Variants in PAPPA2 observed in about 807,000 individuals in gnomAD.
The protein encoded by PAPPA2 is pappalysin-2.
In PAPPA2, 86 loss-of-function variants were observed where a neutral mutation model predicts 176.4. The observed-to-expected ratio is 0.49, with a 90% CI of 0.41 to 0.58. The LOEUF (loss-of-function observed/expected upper bound fraction) is 0.58, where lower values mean the gene tolerates loss of function less well. Ranked by LOEUF, PAPPA2 falls within the 20% of genes least tolerant of loss-of-function variation. The pLI, the probability that PAPPA2 is intolerant of heterozygous loss-of-function variation, is 0.00. For synonymous variants in PAPPA2, 809 were observed against 852.2 expected (o/e 0.95, Z 0.88); for missense variants, 2,073 against 2,256.9 (o/e 0.92, Z 1.65).
chr1:176,674,864 T>G (rs1382113789), intron 4 of PAPPA2, among the ~76,000 whole-genome samples: 1 of 151,992 alleles, frequency 6.6e-6, no homozygotes, highest in Non-Finnish European at 1.5e-5. Context: ...TGTTTTTTCA[T>G]AGTAGTTGTG....
chr1:176,669,657 T>TC (rs772430110), intron 3 of PAPPA2, among the ~76,000 whole-genome samples: 20 of 152,314 alleles, frequency 1.3e-4, no homozygotes, highest in Admixed American at 2.6e-4. Flanking sequence ...AGCCCTTTTC[T>TC]CCTAAACATC....
intron 2 of PAPPA2, among the ~76,000 whole-genome samples, chr1:176,592,343 C>T (rs1379135931): frequency 6.6e-6 from 1 of 152,144 alleles, no homozygotes; most frequent in African/African-American, 2.4e-5. Context: ...ATACTGGCTA[C>T]ATCTCACAAG....
intron 2 of PAPPA2, among the ~76,000 whole-genome samples, chr1:176,574,697 C>G (rs1364066707): frequency 6.6e-6 from 1 of 152,180 alleles, no homozygotes; most frequent in African/African-American, 2.4e-5. Context: ...TTTTACTGAT[C>G]CCTGTGGGTT....
chr1:176,701,273 G>A (rs1019139738), intron 8 of PAPPA2, among the ~76,000 whole-genome samples: 3 of 152,142 alleles, frequency 2.0e-5, no homozygotes, highest in East Asian at 1.9e-4. Flanking sequence ...GCTACCTGCC[G>A]CTGAGTTTTT....
chr1:176,605,860 A>G (rs894357366), intron 3 of PAPPA2, among the ~76,000 whole-genome samples: 2 of 152,128 alleles, frequency 1.3e-5, no homozygotes, highest in African/African-American at 4.8e-5. Context: ...CATCTTTACT[A>G]CTTGAGGATG....
intron 1 of PAPPA2, among the ~76,000 whole-genome samples, chr1:176,523,546 A>G (rs1404950650): frequency 6.6e-6 from 1 of 152,214 alleles, no homozygotes; most frequent in African/African-American, 2.4e-5. Flanking sequence ...TGTGCTCACA[A>G]CTTTTGAGTT....
chr1:176,475,797 G>C (rs1314700719), intron 1 of PAPPA2, among the ~76,000 whole-genome samples: 1 of 152,176 alleles, frequency 6.6e-6, no homozygotes, highest in East Asian at 1.9e-4. Flanking sequence ...AGGGAGGAGG[G>C]AAAGAGCCAT....
intron 3 of PAPPA2, among the ~76,000 whole-genome samples, chr1:176,628,135 T>A (rs1656132929): frequency 6.6e-6 from 1 of 152,118 alleles, no homozygotes; most frequent in Non-Finnish European, 1.5e-5. Flanking sequence ...GCTACATGGG[T>A]GCAGACAGTT....
chr1:176,677,818 A>T (rs1659382700), intron 4 of PAPPA2, among the ~76,000 whole-genome samples: 1 of 152,188 alleles, frequency 6.6e-6, no homozygotes, highest in Admixed American at 6.6e-5. Context: ...TCATTGATTC[A>T]TTCAAAGAAA....
At chr1:176,763,418 TG>T (rs1286315281) in intron 14 of PAPPA2, among the ~76,000 whole-genome samples, 1 of 152,200 alleles carries the variant, frequency 6.6e-6, no homozygotes, top group African/African-American at 2.4e-5. Context: ...TGGAGCAAGA[TG>T]GTTGAATCAG....
At chr1:176,496,506 G>A (rs956765474) in intron 1 of PAPPA2, among the ~76,000 whole-genome samples, 1 of 152,106 alleles carries the variant, frequency 6.6e-6, no homozygotes, top group South Asian at 2.1e-4. Flanking sequence ...ATTGCCGAGT[G>A]TTCCTTTACG....
intron 1 of PAPPA2, among the ~76,000 whole-genome samples, chr1:176,530,827 G>A (rs564464055): frequency 3.9e-5 from 6 of 152,284 alleles, no homozygotes; most frequent in African/African-American, 1.4e-4. Context: ...TAGAGATGGG[G>A]GTTGAATTGG....
chr1:176,827,327 T>A (rs1400185855), intron 21 of PAPPA2, among the ~76,000 whole-genome samples: 1 of 152,238 alleles, frequency 6.6e-6, no homozygotes, highest in Non-Finnish European at 1.5e-5. Context: ...CAGATTAAAT[T>A]CTTCTGGATG....
chr1:176,714,248 A>T (rs985612666), intron 12 of PAPPA2, among the ~76,000 whole-genome samples: 2 of 152,210 alleles, frequency 1.3e-5, no homozygotes, highest in Non-Finnish European at 2.9e-5. Context: ...TTCAAGCCTG[A>T]TGAGAAATAA....
At chr1:176,807,649 C>T (rs1031193662) in intron 21 of PAPPA2, among the ~76,000 whole-genome samples, 4 of 152,032 alleles carry the variant, frequency 2.6e-5, no homozygotes, top group African/African-American at 4.8e-5. Flanking sequence ...GCATGTGCCA[C>T]CACACCTGGC....
intron 21 of PAPPA2, among the ~76,000 whole-genome samples, chr1:176,822,866 G>C (rs898221128): frequency 7.9e-5 from 12 of 152,058 alleles, no homozygotes; most frequent in African/African-American, 2.9e-4. Flanking sequence ...TATATTCCCG[G>C]TCAATTCTAC....
At chr1:176,814,550 T>G (rs2102966147) in intron 21 of PAPPA2, among the ~76,000 whole-genome samples, 1 of 152,322 alleles carries the variant, frequency 6.6e-6, no homozygotes, top group Non-Finnish European at 1.5e-5. Flanking sequence ...GTAGTAATTG[T>G]GAATGAAAGT....
intron 21 of PAPPA2, among the ~76,000 whole-genome samples, chr1:176,814,840 G>A (rs575582953): frequency 6.6e-6 from 1 of 152,346 alleles, no homozygotes; most frequent in African/African-American, 2.4e-5. Flanking sequence ...AGTGGTGAGA[G>A]AAGGCATCCT....
intron 3 of PAPPA2, among the ~76,000 whole-genome samples, chr1:176,668,504 A>AT (rs756554789): frequency 1.1e-4 from 16 of 151,876 alleles, no homozygotes; most frequent in Non-Finnish European, 2.2e-4. Context: ...AATAATATCC[A>AT]TTTTTTTTCC....
Sources: allele counts gnomAD v4.1 joint callset (sites outside exome capture counted in the v4.1 genomes callset), GRCh38; gene constraint gnomAD v4.1.1; transcripts MANE v1.5; gene names NCBI Gene and HGNC (gene_info 2026-07-23, HGNC 2026-07-21).